Variants in ACSS3 observed in about 807,000 individuals in gnomAD.
The protein encoded by ACSS3 is acyl-CoA synthetase short-chain family member 3, mitochondrial.
A neutral mutation model predicts 84.2 loss-of-function variants in ACSS3; 64 were observed. The observed-to-expected ratio is 0.76, with a 90% CI of 0.62 to 0.94. The LOEUF (loss-of-function observed/expected upper bound fraction) is 0.94, where lower values mean the gene tolerates loss of function less well. Ranked by LOEUF, ACSS3 falls within the 40% of genes least tolerant of loss-of-function variation. ACSS3 has a pLI of 0.00. For missense variants in ACSS3, 815 were observed against 867.6 expected (o/e 0.94, Z 0.76); for synonymous variants, 317 against 310.1 (o/e 1.02, Z -0.23).
rs868685378 is a variant in ACSS3, at chr12:81,155,443, C to T, written c.1098+3347C>T. On this transcript the variant is annotated intron_variant, in intron 7 of 15. Transcript: ENST00000548058. ...TAGACATCTCTGAATAGTCTGTGCA[C>T]ATCTTATGCCCAAGATGACATGAAC... is the stretch of plus-strand genomic sequence containing the variant. 2.0e-5 allele frequency among the ~76,000 whole-genome samples: 3 copies of T among 152,274 alleles called. No individual in the cohort carries two copies. The Middle Eastern group carries it at 0.01, about 518-fold the overall frequency.
intron 11 of ACSS3, among the ~76,000 whole-genome samples, chr12:81,223,470 T>C (rs2033175979): frequency 6.6e-6 from 1 of 152,050 alleles, no homozygotes; most frequent in Non-Finnish European, 1.5e-5. Context: ...ACTAAGCATG[T>C]CACATAATTA....
intron 2 of ACSS3, among the ~76,000 whole-genome samples, chr12:81,132,695 C>T (rs1330807663): frequency 6.6e-6 from 1 of 152,096 alleles, no homozygotes; most frequent in Non-Finnish European, 1.5e-5. Context: ...AATTGGTGGG[C>T]ATCTTCCATC....
chr12:81,234,836 T>C (rs1016426935), intron 13 of ACSS3, among the ~76,000 whole-genome samples: 1 of 151,360 alleles, frequency 6.6e-6, no homozygotes, highest in African/African-American at 2.4e-5. Context: ...TTTCTTTTTC[T>C]AGTTTCTGAC....
intron 9 of ACSS3, among the ~76,000 whole-genome samples, chr12:81,213,199 G>A (rs1272361331): frequency 1.3e-5 from 2 of 152,100 alleles, no homozygotes; most frequent in Non-Finnish European, 2.9e-5. Context: ...GAACATCCTG[G>A]AAATGGGGCT....
chr12:81,199,834 A>C (rs577145492), intron 9 of ACSS3: 119 of 452,724 alleles, frequency 2.6e-4, no homozygotes, highest in Non-Finnish European at 4.5e-4. Flanking sequence ...AAAGTTTCCT[A>C]ATCACTCATC....
chr12:81,142,996 T>A, intron 4 of ACSS3, 111 bp from the exon 5 acceptor site: 1 of 1,028,820 alleles, frequency 9.7e-7, no homozygotes, highest in Non-Finnish European at 1.3e-6. Context: ...CAGTGCCATA[T>A]AGGCCTAGAT....
chr12:81,098,151 A>AGAGAGAGAGT lies in ACSS3; in HGVS notation c.312-11408_312-11407insAGAGAGAGTG, dbSNP rs369995298. On this transcript the variant is annotated intron_variant, in intron 1 of 15. Transcript: ENST00000548058. Reference sequence around the variant, plus strand: ...GTATGAGAGAGAGAGAGAGAGAGAGAGTGTGTGTGTGTGTGTGTGTGTGTG... The same window carrying AGAGAGAGAGT: ...GTATGAGAGAGAGAGAGAGAGAGAGAGAGAGAGAGTGTGTGTGTGTGTGTGTGTGTGTGTG... Among the ~76,000 whole-genome samples the AGAGAGAGAGT allele has an allele frequency of 7.0e-5, 9 of 129,320 alleles. No individual in the cohort carries two copies. The South Asian group carries it at 1.2e-3, about 17-fold the overall frequency. The allele number at this position is 129,320 out of a possible 152,430, so 84.8% of individuals were successfully genotyped here. A position where few individuals can be genotyped will look rare whatever the true frequency, so the allele number is the denominator to read the frequency against.
chr12:81,145,397 T>A (rs1407695791), intron 5 of ACSS3, among the ~76,000 whole-genome samples: 2 of 152,202 alleles, frequency 1.3e-5, no homozygotes, highest in African/African-American at 2.4e-5. Context: ...TGACTCAATA[T>A]AATGTATTTG....
At chr12:81,192,901 T>C (rs560675097) in intron 8 of ACSS3, among the ~76,000 whole-genome samples, 2 of 152,320 alleles carry the variant, frequency 1.3e-5, no homozygotes, top group Admixed American at 6.5e-5. Flanking sequence ...AGTTCTCTGA[T>C]GTATTCAAAA....
chr12:81,119,770 C>T (rs1884408699), intron 2 of ACSS3, among the ~76,000 whole-genome samples: 1 of 152,082 alleles, frequency 6.6e-6, no homozygotes, highest in Non-Finnish European at 1.5e-5. Context: ...TCAAGGTGCA[C>T]TGATTTCATA....
Position 81,143,131 on chromosome 12 carries a change from C to T in ACSS3, c.805C>T (p.Arg269Cys), listed in dbSNP as rs768536849. Residue 269 changes from arginine (R) to cysteine (C), a missense_variant, in exon 5 of 16, where the codon CGT becomes TGT. Coordinates refer to ENST00000548058, the MANE Select transcript of ACSS3 (RefSeq NM_024560.4). ...NMEAVPLAPG[R>C]DLDWDEEMAK... Reference sequence around the variant, plus strand: ...GGAGGCGGTTCCTTTGGCTCCCGGTCGTGACCTTGATTGGGATGAAGAGAT... The same window carrying T: ...GGAGGCGGTTCCTTTGGCTCCCGGTTGTGACCTTGATTGGGATGAAGAGAT... 3.7e-5 allele frequency: 59 copies of T among 1,613,236 alleles called. No homozygotes were observed. The highest frequency in any genetic ancestry group is 4.7e-5 in the Non-Finnish European group (55 of 1,179,494).
At chr12:81,138,410 G>C (rs1885920158) in intron 3 of ACSS3, among the ~76,000 whole-genome samples, 1 of 152,128 alleles carries the variant, frequency 6.6e-6, no homozygotes, top group Admixed American at 6.6e-5. Context: ...AACATTTGAG[G>C]CATGTCCAGA....
At chr12:81,089,912 T>C (rs6539557) in intron 1 of ACSS3, among the ~76,000 whole-genome samples, 9,070 of 152,082 alleles carry the variant, frequency 0.06, 673 homozygotes, top group African/African-American at 0.18. Flanking sequence ...TGTCCGAAGT[T>C]ATACAGTGGT....
intron 8 of ACSS3, among the ~76,000 whole-genome samples, chr12:81,185,325 A>G (rs1400546914): frequency 1.3e-5 from 2 of 151,776 alleles, no homozygotes; most frequent in Non-Finnish European, 3.0e-5. Context: ...TCTATTCAAC[A>G]TAATACTGGA....
At chr12:81,079,628 G>A (rs1465669482) in intron 1 of ACSS3, among the ~76,000 whole-genome samples, 2 of 152,056 alleles carry the variant, frequency 1.3e-5, no homozygotes, top group Non-Finnish European at 2.9e-5. Flanking sequence ...TATTTGATCG[G>A]TCCTCTTTTC....
At chr12:81,224,571 CACA>C (rs2033208826) in intron 11 of ACSS3, among the ~76,000 whole-genome samples, 1 of 92,200 alleles carries the variant, frequency 1.1e-5, no homozygotes, top group African/African-American at 3.3e-5. Flanking sequence ...TACACACACA[CACA>C]TGTGTGTGTG....
chr12:81,209,283 T>A (rs796524998), intron 9 of ACSS3, among the ~76,000 whole-genome samples: 31 of 152,250 alleles, frequency 2.0e-4, no homozygotes, highest in African/African-American at 7.5e-4. Context: ...AGGAGAATGT[T>A]TTTTGTTAAC....
chr12:81,147,064 G>C (rs1886375385), intron 5 of ACSS3, among the ~76,000 whole-genome samples: 1 of 151,936 alleles, frequency 6.6e-6, no homozygotes, highest in Non-Finnish European at 1.5e-5. Flanking sequence ...TCTGTGGTAC[G>C]CTCTTGCAGT....
Position 81,078,319 on chromosome 12 carries a change from G to T in ACSS3, c.199G>T (p.Ala67Ser), listed in dbSNP as rs1173330209. Residue 67 changes from alanine to serine, a missense_variant, in exon 1 of 16, where the codon GCA becomes TCA. By Grantham distance (99) the Ala-to-Ser change is moderately conservative. Transcript: ENST00000548058. The part of the protein sequence containing the change: ...GSGSEYKTHF[A>S]ASVTDPERFW... ...TGGCAGCGAGTACAAGACCCACTTC[G>T]CAGCCTCGGTGACCGACCCCGAGAG... The T allele has an allele frequency of 6.2e-7, 1 of 1,612,356 alleles. No individual in the cohort carries two copies. The highest frequency in any genetic ancestry group is 8.5e-7 in the Non-Finnish European group (1 of 1,179,970).
Sources: allele counts gnomAD v4.1 joint callset (sites outside exome capture counted in the v4.1 genomes callset), GRCh38; gene constraint gnomAD v4.1.1; transcripts MANE v1.5; gene names NCBI Gene and HGNC (gene_info 2026-07-23, HGNC 2026-07-21).